Variants in SLC6A3 observed in about 807,000 individuals in gnomAD.
The protein encoded by SLC6A3 is sodium-dependent dopamine transporter.
Under a neutral mutation model 70.4 loss-of-function variants are expected in SLC6A3, and 19 were observed. That is an observed-to-expected ratio of 0.27 (90% CI 0.19 to 0.40). SLC6A3 has a LOEUF of 0.40. Ranked by LOEUF, SLC6A3 falls within the 10% of genes least tolerant of loss-of-function variation. SLC6A3 has a pLI of 1.00. For missense variants in SLC6A3, 613 were observed against 838.5 expected (o/e 0.73, Z 3.32); for synonymous variants, 368 against 356.6 (o/e 1.03, Z -0.36).
At chr5:1,435,776 A>ACAGCC (rs1756815857) in intron 3 of SLC6A3, among the ~76,000 whole-genome samples, 3 of 124,306 alleles carry the variant, frequency 2.4e-5, no homozygotes, top group African/African-American at 9.3e-5. Flanking sequence ...GGGTGAGGAA[A>ACAGCC]TGGCTCCCTT....
Position 1,421,975 on chromosome 5 carries a change from G to C in SLC6A3, c.693C>G (p.Asp231Glu). 2 of 1,612,948 alleles carry C rather than the reference G, an allele frequency of 1.2e-6. No homozygotes were observed. Among genetic ancestry groups the C allele is most frequent in the Middle Eastern group, 3.3e-4 (2 of 6,062 alleles). ...VLHLHQSHGI[D>E]DLGPPRWQLT... is the part of the protein sequence containing the mutation. ...GCTGCCACCGCGGAGGCCCCAGGTC[G>C]TCGATGCCATGGCTCTGGTGGAGGT... is the stretch of plus-strand genomic sequence containing the variant. Residue 231 changes from aspartate (D) to glutamate (E), a missense_variant, in exon 5 of 15, where the codon GAC becomes GAG. Physicochemically the swap from Asp to Glu is conservative, Grantham distance 45 (BLOSUM62 2). This residue lies in a region of SLC6A3 where 153 missense variants were observed against 249.4 expected (regional missense o/e 0.61). Coordinates refer to ENST00000270349, the MANE Select transcript of SLC6A3 (RefSeq NM_001044.5). This position sits in a 1 kb window ranked among gnomAD's most constrained non-coding sequence, Gnocchi z 7.2.
At position 1,438,934 on chromosome 5, in the gene SLC6A3, C is replaced by G. The variant is rs922025122; in HGVS notation, c.418+2425G>C. ...TCCCAAGGCTCTGAGCCCTCAGATACTCTCCAACACGGACCACGGTGCAAG... is the reference window on the plus strand; with the variant it reads ...TCCCAAGGCTCTGAGCCCTCAGATAGTCTCCAACACGGACCACGGTGCAAG... On this transcript the variant is annotated intron_variant, in intron 3 of 14. Coordinates refer to ENST00000270349, the MANE Select transcript of SLC6A3 (RefSeq NM_001044.5). The surrounding 1 kb of genome is among the most constrained non-coding windows in gnomAD (Gnocchi z 6.5). Among the ~76,000 whole-genome samples the G allele has an allele frequency of 6.6e-6, 1 of 152,238 alleles. No individual in the cohort carries two copies. The highest frequency in any genetic ancestry group is 1.5e-5 in the Non-Finnish European group (1 of 68,038).
intron 8 of SLC6A3, 89 bp downstream of exon 8, chr5:1,414,602 C>G (rs1258293335): frequency 8.0e-6 from 12 of 1,490,768 alleles, no homozygotes; most frequent in Non-Finnish European, 7.3e-6. Flanking sequence ...CCATGCGTCT[C>G]CTTCCTCTTT....
chr5:1,432,341 A>G lies in SLC6A3; in HGVS notation c.653+123T>C, dbSNP rs929501337. ...CCAGAGCACTAAAGGGATGGAGTGC[A>G]GGAACAGATTCCCCCTCCCCGCACC... On this transcript the variant is annotated intron_variant, in intron 4 of 14. Coordinates refer to ENST00000270349, the MANE Select transcript of SLC6A3 (RefSeq NM_001044.5). The G allele has an allele frequency of 9.5e-6, 7 of 738,930 alleles. No individual in the cohort carries two copies. The African/African-American group carries it at 1.0e-4, about 11-fold the overall frequency. 45.8% of individuals were successfully genotyped at this position (738,930 alleles called of 1,614,324 possible).
intron 3 of SLC6A3, among the ~76,000 whole-genome samples, chr5:1,440,361 T>C (rs910297959): frequency 6.6e-6 from 1 of 152,046 alleles, no homozygotes; most frequent in Non-Finnish European, 1.5e-5. Context: ...GATGGATGGA[T>C]GGATGGATGA....
At chr5:1,434,534 G>A (rs2126398483) in intron 3 of SLC6A3, among the ~76,000 whole-genome samples, 1 of 152,356 alleles carries the variant, frequency 6.6e-6, no homozygotes, top group East Asian at 1.9e-4. Context: ...GGGCCTGGTG[G>A]TCAGATGACT....
At chr5:1,427,815 G>A (rs1756606373) in intron 4 of SLC6A3, among the ~76,000 whole-genome samples, 1 of 152,178 alleles carries the variant, frequency 6.6e-6, no homozygotes, top group Non-Finnish European at 1.5e-5. Flanking sequence ...AAACATGTAT[G>A]CACTTCATAG....
rs973832204 is a variant in SLC6A3 at position 1,394,883 on chromosome 5, G to A, written c.1840-125C>T. 1.9e-5 allele frequency: 19 copies of A among 1,002,878 alleles called. No homozygotes were observed. Among genetic ancestry groups the A allele is most frequent in the African/African-American group, 1.7e-4 (11 of 63,272 alleles). 62.1% of individuals were successfully genotyped at this position (1,002,878 alleles called of 1,614,324 possible). ...TTGCAGCCTCCTGGCCATGTGCCCT[G>A]GGAGAAGGGGAGGCTCACTGGGGGC... On this transcript the variant is annotated intron_variant, in intron 14 of 14. Coordinates refer to ENST00000270349, the MANE Select transcript of SLC6A3 (RefSeq NM_001044.5). The surrounding 1 kb of genome is among the most constrained non-coding windows in gnomAD (Gnocchi z 4.7).
At chr5:1,403,320 C>G in intron 12 of SLC6A3, among the ~76,000 whole-genome samples, 1 of 138,348 alleles carries the variant, frequency 7.2e-6, no homozygotes, top group East Asian at 2.3e-4. Context: ...CTCCCCTCCC[C>G]TCCCATCCCA....
intron 4 of SLC6A3, 56 bp downstream of exon 4, chr5:1,432,408 A>G (rs1333705417): frequency 7.3e-7 from 1 of 1,373,178 alleles, no homozygotes; most frequent in Non-Finnish European, 1.0e-6. Flanking sequence ...AGGGGCTACC[A>G]TGGGGGACCT....
At chr5:1,420,771 A>G (rs1756416862) in intron 5 of SLC6A3, 68 bp from the exon 6 acceptor site, 1 of 1,577,514 alleles carries the variant, frequency 6.3e-7, no homozygotes, top group Admixed American at 1.7e-5. Flanking sequence ...CACTGGCACA[A>G]GGGCACCGGG....
rs1176585610 is a variant in SLC6A3 at position 1,437,236 on chromosome 5, C to A, written c.418+4123G>T. Among the ~76,000 whole-genome samples the A allele has an allele frequency of 7.0e-6, 1 of 142,802 alleles. No individual in the cohort carries two copies. The highest frequency in any genetic ancestry group is 7.2e-5 in the Admixed American group (1 of 13,958). 93.7% of individuals were successfully genotyped at this position (142,802 alleles called of 152,430 possible). On this transcript the variant is annotated intron_variant, in intron 3 of 14. Coordinates refer to ENST00000270349, the MANE Select transcript of SLC6A3 (RefSeq NM_001044.5). This position sits in a 1 kb window ranked among gnomAD's most constrained non-coding sequence, Gnocchi z 4.8. ...TTTGCACTCCAGCCTGGTGACAGAG[C>A]GAGATTCCGTCTCACAAAAAAAAAA...
intron 3 of SLC6A3, among the ~76,000 whole-genome samples, chr5:1,434,838 C>T (rs1756791926): frequency 1.3e-5 from 2 of 152,182 alleles, no homozygotes; most frequent in South Asian, 4.1e-4. Context: ...CAGGGCACCT[C>T]AGTAAAGTTC....
In SLC6A3 at chr5:1,421,178, GT is replaced by G. The variant is rs397883245; in HGVS notation, c.793-476del. Among the ~76,000 whole-genome samples the G allele has an allele frequency of 0.19, 25,520 of 137,864 alleles. 2,290 individuals are homozygous for G. Among genetic ancestry groups the G allele is most frequent in the South Asian group, 0.26 (1,065 of 4,130 alleles). The allele number at this position is 137,864 out of a possible 152,430, so 90.4% of individuals were successfully genotyped here. A position where few individuals can be genotyped will look rare whatever the true frequency, so the allele number is the denominator to read the frequency against. ...GGTTTTGGCCCATATAACAACCAAA[GT>G]TTTTTTTTTTTTTTTGAGATGGAGT... On this transcript the variant is annotated intron_variant, in intron 5 of 14. Coordinates refer to ENST00000270349, the MANE Select transcript of SLC6A3 (RefSeq NM_001044.5). This position sits in a 1 kb window ranked among gnomAD's most constrained non-coding sequence, Gnocchi z 7.2.
At chr5:1,417,731 C>G (rs1756340270) in intron 6 of SLC6A3, among the ~76,000 whole-genome samples, 1 of 152,186 alleles carries the variant, frequency 6.6e-6, no homozygotes. Context: ...CCAACCCCCC[C>G]TTGGAGGCAT....
In SLC6A3 at chr5:1,430,308, C is replaced by T. The variant is rs115619455; in HGVS notation, c.653+2156G>A. Among the ~76,000 whole-genome samples the T allele has an allele frequency of 4.1e-3, 629 of 152,330 alleles. 9 individuals carry two copies. Among genetic ancestry groups the T allele is most frequent in the African/African-American group, 0.014 (593 of 41,570 alleles). On this transcript the variant is annotated intron_variant, in intron 4 of 14. Coordinates refer to ENST00000270349, the MANE Select transcript of SLC6A3 (RefSeq NM_001044.5). ...AACCACAAGAAAGGCCCACACAACG[C>T]TCACCCCACGCGACCCATGGTCTTC...
chr5:1,412,217 C>T (rs952654015), intron 8 of SLC6A3, among the ~76,000 whole-genome samples: 2 of 152,360 alleles, frequency 1.3e-5, no homozygotes, highest in East Asian at 1.9e-4. Context: ...CCACAGTGAG[C>T]GGGTCCCTGC....
rs1159590350 is a variant in SLC6A3, at chr5:1,421,669, G to A, written c.792+207C>T. Among the ~76,000 whole-genome samples, 1 of 151,618 alleles carries A rather than the reference G, an allele frequency of 6.6e-6. No homozygotes were observed. Among genetic ancestry groups the A allele is most frequent in the African/African-American group, 2.4e-5 (1 of 41,200 alleles). ...CAGCCACAGGTGTACCCTCAATCAT[G>A]GCCACGTGTACACTCCCAACCTGAT... On this transcript the variant is annotated intron_variant, in intron 5 of 14. Coordinates refer to ENST00000270349, the MANE Select transcript of SLC6A3 (RefSeq NM_001044.5). The surrounding 1 kb of genome is among the most constrained non-coding windows in gnomAD (Gnocchi z 7.2).
At chr5:1,399,994 G>A (rs986399013) in intron 14 of SLC6A3, among the ~76,000 whole-genome samples, 1 of 152,194 alleles carries the variant, frequency 6.6e-6, no homozygotes, top group Non-Finnish European at 1.5e-5. Context: ...CTGCTGGGAG[G>A]ACTGTTTACG....
Sources: allele counts gnomAD v4.1 joint callset (sites outside exome capture counted in the v4.1 genomes callset), GRCh38; gene constraint gnomAD v4.1.1; regional missense constraint gnomAD v4.1.1; non-coding constraint Gnocchi (gnomAD v3.1); transcripts MANE v1.5; gene names NCBI Gene and HGNC (gene_info 2026-07-23, HGNC 2026-07-21).